The following AUTS2 variants were observed in gnomAD, a reference collection of about 807,000 sequenced individuals.
AUTS2 encodes the protein activator of transcription and developmental regulator AUTS2.
Under a neutral mutation model 112.4 loss-of-function variants are expected in AUTS2, and 17 were observed. The ratio of observed to expected loss-of-function variants is 0.15; its 90% confidence interval spans 0.10 to 0.23. The LOEUF (loss-of-function observed/expected upper bound fraction) is 0.23. Among genes scored for constraint, AUTS2 ranks in the 10% least tolerant of loss-of-function variants. The pLI, the probability that AUTS2 is intolerant of heterozygous loss-of-function variation, is 1.00. For synonymous variants in AUTS2, 751 were observed against 702.7 expected (o/e 1.07, Z -1.09); for missense variants, 1,510 against 1,701.6 (o/e 0.89, Z 1.98).
chr7:70,211,331 ATT>A (rs67312947), intron 4 of AUTS2, among the ~76,000 whole-genome samples: 8,352 of 142,726 alleles, frequency 0.059, 257 homozygotes, highest in South Asian at 0.088. Flanking sequence ...ATTTAAAAGA[ATT>A]TTTTTTTTTT....
intron 5 of AUTS2, among the ~76,000 whole-genome samples, chr7:70,521,648 T>C (rs1201635334): frequency 6.6e-6 from 1 of 152,250 alleles, no homozygotes; most frequent in Non-Finnish European, 1.5e-5. Flanking sequence ...CTAGTTCACT[T>C]TTCCAGTGGA....
At chr7:70,765,552 TC>T (rs1272272371) in intron 8 of AUTS2, among the ~76,000 whole-genome samples, 2 of 152,128 alleles carry the variant, frequency 1.3e-5, no homozygotes, top group Non-Finnish European at 2.9e-5. Flanking sequence ...AGGTCAAGCG[TC>T]CCAGTTTTGG....
chr7:69,788,346 G>A (rs1322803020), intron 1 of AUTS2, among the ~76,000 whole-genome samples: 1 of 152,100 alleles, frequency 6.6e-6, no homozygotes, highest in Non-Finnish European at 1.5e-5. Context: ...CTATGAAAGA[G>A]GGTGCAAAGG....
At chr7:69,952,295 C>T (rs901788092) in intron 2 of AUTS2, among the ~76,000 whole-genome samples, 1 of 152,102 alleles carries the variant, frequency 6.6e-6, no homozygotes, top group Non-Finnish European at 1.5e-5. Context: ...GTAATTAATG[C>T]TGAACATTCA....
chr7:70,666,267 G>A (rs1226462478), intron 5 of AUTS2, among the ~76,000 whole-genome samples: 1 of 152,212 alleles, frequency 6.6e-6, no homozygotes, highest in African/African-American at 2.4e-5. Flanking sequence ...GAGTTAATAT[G>A]TTTAAGTACT....
intron 5 of AUTS2, among the ~76,000 whole-genome samples, chr7:70,468,111 G>A (rs1410636499): frequency 1.3e-5 from 2 of 152,184 alleles, no homozygotes; most frequent in African/African-American, 2.4e-5. Flanking sequence ...GTTGGCTCTG[G>A]TGAAGGGGAG....
At chr7:70,608,733 A>G (rs1274955088) in intron 5 of AUTS2, among the ~76,000 whole-genome samples, 1 of 152,066 alleles carries the variant, frequency 6.6e-6, no homozygotes, top group Non-Finnish European at 1.5e-5. Flanking sequence ...TGTACTGCTC[A>G]GTGGGAAAGT....
chr7:70,124,725 G>A (rs1805869973), intron 3 of AUTS2, among the ~76,000 whole-genome samples: 1 of 152,100 alleles, frequency 6.6e-6, no homozygotes, highest in Non-Finnish European at 1.5e-5. Flanking sequence ...ACCATGCCCA[G>A]CTAATTTTCG....
At chr7:70,213,374 A>AT (rs996186439) in intron 4 of AUTS2, among the ~76,000 whole-genome samples, 2 of 151,254 alleles carry the variant, frequency 1.3e-5, no homozygotes, top group Non-Finnish European at 2.9e-5. Context: ...AAAAAAAAAA[A>AT]AAAAAGCCAA....
chr7:69,826,850 T>C (rs929257368), intron 1 of AUTS2, among the ~76,000 whole-genome samples: 4 of 152,186 alleles, frequency 2.6e-5, no homozygotes, highest in African/African-American at 4.8e-5. Context: ...TGAGTTGTTT[T>C]CCTTCCTCCA....
intron 5 of AUTS2, among the ~76,000 whole-genome samples, chr7:70,564,886 T>A (rs1178462611): frequency 6.6e-6 from 1 of 152,092 alleles, no homozygotes; most frequent in African/African-American, 2.4e-5. Context: ...GATCACAAGG[T>A]CAGGAGTTCA....
At chr7:69,772,499 G>A (rs1392644224) in intron 1 of AUTS2, among the ~76,000 whole-genome samples, 1 of 152,168 alleles carries the variant, frequency 6.6e-6, no homozygotes, top group African/African-American at 2.4e-5. Context: ...GGAGTGCAGT[G>A]GCACGAACAT....
intron 6 of AUTS2, among the ~76,000 whole-genome samples, chr7:70,711,486 C>G (rs1371786031): frequency 6.6e-6 from 1 of 152,228 alleles, no homozygotes; most frequent in East Asian, 1.9e-4. Context: ...TGCTCGACAT[C>G]CTGGGCTTCC....
At chr7:69,753,858 G>A (rs1166788997) in intron 1 of AUTS2, among the ~76,000 whole-genome samples, 1 of 152,174 alleles carries the variant, frequency 6.6e-6, no homozygotes, top group Non-Finnish European at 1.5e-5. Flanking sequence ...TGAGGTTCAG[G>A]TTCTCAGACC....
At chr7:70,673,391 G>C (rs1412777834) in intron 5 of AUTS2, among the ~76,000 whole-genome samples, 1 of 149,480 alleles carries the variant, frequency 6.7e-6, no homozygotes, top group Non-Finnish European at 1.5e-5. Flanking sequence ...TTTTAAGACA[G>C]GGTCTCTCTT....
Position 69,692,338 on chromosome 7 carries a change from C to T in AUTS2, c.309+92376C>T, listed in dbSNP as rs540035173. ...AAACACTTATCATTTTAAAGACCTA[C>T]CATTTTTAAGGTCACTCTTCTGCTA... is the stretch of plus-strand genomic sequence containing the variant. On this transcript the variant is annotated intron_variant, in intron 1 of 18. Transcript: ENST00000342771. 9.2e-5 allele frequency among the ~76,000 whole-genome samples: 14 copies of T among 152,258 alleles called. No homozygotes were observed. The South Asian group carries it at 1.0e-3, about 11-fold the overall frequency.
rs554857407 is a variant in AUTS2 at position 70,497,105 on chromosome 7, C to T, written c.690+61324C>T. 5.9e-4 allele frequency among the ~76,000 whole-genome samples: 88 copies of T among 148,050 alleles called. 1 individual carries two copies. Among genetic ancestry groups the T allele is most frequent in the African/African-American group, 2.2e-3 (85 of 39,408 alleles). On this transcript the variant is annotated intron_variant, in intron 5 of 18. Coordinates refer to ENST00000342771, the MANE Select transcript of AUTS2 (RefSeq NM_015570.4). ...CACCACGTACACAGTCAGACACACA[C>T]ACACACCCCACACATGCACACGTCA...
intron 4 of AUTS2, among the ~76,000 whole-genome samples, chr7:70,138,051 T>G (rs1293981284): frequency 1.3e-5 from 2 of 152,228 alleles, no homozygotes; most frequent in Non-Finnish European, 2.9e-5. Context: ...ATATTATGGT[T>G]GTTCTCTGTA....
At chr7:69,683,813 A>G (rs1486597068) in intron 1 of AUTS2, among the ~76,000 whole-genome samples, 24 of 151,968 alleles carry the variant, frequency 1.6e-4, no homozygotes. Context: ...TGGGAGGCTG[A>G]GGTAGGAGAA....
Sources: allele counts gnomAD v4.1 joint callset (sites outside exome capture counted in the v4.1 genomes callset), GRCh38; gene constraint gnomAD v4.1.1; transcripts MANE v1.5; gene names NCBI Gene and HGNC (gene_info 2026-07-23, HGNC 2026-07-21).